PCNX4: variants seen among roughly 807,000 people sequenced by gnomAD.
PCNX4 encodes pecanex 4.
A neutral mutation model predicts 107.2 loss-of-function variants in PCNX4; 103 were observed. That is an observed-to-expected ratio of 0.96 (90% CI 0.82 to 1.13). PCNX4 has a LOEUF of 1.13. Among genes scored for constraint, PCNX4 ranks in the 50% most tolerant of loss-of-function variants. PCNX4 has a pLI of 0.00. For missense variants in PCNX4, 1,528 were observed against 1,379.4 expected, an observed-to-expected ratio of 1.11 and a Z score of -1.71; for synonymous variants, 541 against 481.7, an observed-to-expected ratio of 1.12 and a Z score of -1.61.
At chr14:60,102,764 G>T (rs761718527) in intron 1 of PCNX4, among the ~76,000 whole-genome samples, 13 of 152,050 alleles carry the variant, frequency 8.5e-5, no homozygotes, top group Non-Finnish European at 1.3e-4. Flanking sequence ...GTTCTTCTGG[G>T]AATTAATAGT....
At chr14:60,121,143 A>G in intron 7 of PCNX4, 53 bp from the exon 8 acceptor site, 1 of 1,542,170 alleles carries the variant, frequency 6.5e-7, no homozygotes, top group Non-Finnish European at 8.7e-7. Flanking sequence ...AAAATAAAAG[A>G]AGTTTGAAAA....
chr14:60,121,164 T>C (rs1895945604), intron 7 of PCNX4, 32 bp from the exon 8 acceptor site: 1 of 1,386,202 alleles, frequency 7.2e-7, no homozygotes, highest in Non-Finnish European at 9.5e-7. Context: ...TGATTTTCTT[T>C]TTTTTTTTTT....
In PCNX4 at chr14:60,113,160, A is replaced by G. The variant is rs1461473017; in HGVS notation, c.690-1540A>G. ...TGCGCCACTGCACTCCATCCTGGGG[A>G]CAGAGCGAGACTCCGTCTCAAAAAC... On this transcript the variant is annotated intron_variant, in intron 2 of 10. Transcript: ENST00000406854. Among the ~76,000 whole-genome samples the G allele has an allele frequency of 2.6e-5, 4 of 152,332 alleles. No individual in the cohort carries two copies. The East Asian group carries it at 7.7e-4, about 29-fold the overall frequency.
intron 2 of PCNX4, among the ~76,000 whole-genome samples, chr14:60,113,077 G>A (rs1409101439): frequency 6.6e-6 from 1 of 152,082 alleles, no homozygotes; most frequent in African/African-American, 2.4e-5. Context: ...AGCTACTGGG[G>A]GGCTGAGGCA....
In PCNX4 at chr14:60,146,606, C is replaced by T. The variant is rs550602449; in HGVS notation, c.*12385C>T. On this transcript the variant is annotated 3_prime_UTR_variant, in exon 11 of 11. Coordinates refer to ENST00000406854, the MANE Select transcript of PCNX4 (RefSeq NM_001330177.2). The surrounding 1 kb of genome is among the most constrained non-coding windows in gnomAD (Gnocchi z 4.9). ...CTCCCATGTTCATTTTAGCATTATT[C>T]ATAATAGCCAAGATATGGAAACAAC... The T allele has an allele frequency of 6.6e-6, 1 of 152,156 alleles. No individual in the cohort carries two copies. The highest frequency in any genetic ancestry group is 2.4e-5 in the African/African-American group (1 of 41,510). 9.4% of individuals were successfully genotyped at this position (152,156 alleles called of 1,614,324 possible).
At position 60,146,391 on chromosome 14, in the gene PCNX4, A is replaced by G. The variant is rs1353996465; in HGVS notation, c.*12170A>G. On this transcript the variant is annotated 3_prime_UTR_variant, in exon 11 of 11. Transcript: ENST00000406854. The surrounding 1 kb of genome is among the most constrained non-coding windows in gnomAD (Gnocchi z 4.9). ...GGTCCCTCTTTCCCCTTTGAAAAAA[A>G]AATCACTTCTATAATATATTCTTTC... The G allele has an allele frequency of 6.6e-6, 1 of 152,196 alleles. No individual in the cohort carries two copies. Among genetic ancestry groups the G allele is most frequent in the East Asian group, 1.9e-4 (1 of 5,204 alleles). 9.4% of individuals were successfully genotyped at this position (152,196 alleles called of 1,614,324 possible).
At position 60,134,587 on chromosome 14, in the gene PCNX4, TAA is replaced by T. The variant is rs1896213947; in HGVS notation, c.*367_*368del. ...AACAGCTATGTAATTTTTACATACT[TAA>T]GAGATAAACATATCAGTGTTCTAAG... On this transcript the variant is annotated 3_prime_UTR_variant, in exon 11 of 11. Transcript: ENST00000406854. The T allele has an allele frequency of 5.0e-6, 1 of 199,900 alleles. No homozygotes were observed. The highest frequency in any genetic ancestry group is 1.0e-5 in the Non-Finnish European group (1 of 97,950). 12.4% of individuals were successfully genotyped at this position (199,900 alleles called of 1,614,324 possible). A position where few individuals can be genotyped will look rare whatever the true frequency, so the allele number is the denominator to read the frequency against.
rs1895661344 is a variant in PCNX4, at chr14:60,107,955, C to T, written c.317C>T (p.Thr106Ile). 1.2e-6 allele frequency: 2 copies of T among 1,612,684 alleles called. No individual in the cohort carries two copies. Among genetic ancestry groups the T allele is most frequent in the Middle Eastern group, 1.6e-4 (1 of 6,084 alleles). ...TCAACAACAGTAGAAAGAATACTAA[C>T]CACGGATATCTTAGCAGAGGAGGAT... is the stretch of plus-strand genomic sequence containing the variant. ...NKSTTVERILTTDILAEEDEH... is the reference protein window; with the variant it reads ...NKSTTVERILITDILAEEDEH... The change falls in exon 2 of 11, where the codon ACC (threonine) becomes ATC (isoleucine). Residue 106 changes from threonine to isoleucine, a missense_variant. Transcript: ENST00000406854.
intron 10 of PCNX4, among the ~76,000 whole-genome samples, chr14:60,132,708 A>G (rs748778481): frequency 1.3e-4 from 20 of 152,148 alleles, no homozygotes; most frequent in Non-Finnish European, 2.4e-4. Flanking sequence ...CATATCTGAT[A>G]AGGGACTGTT....
At position 60,135,531 on chromosome 14, in the gene PCNX4, C is replaced by T. The variant is rs1028504552; in HGVS notation, c.*1310C>T. 3 of 151,248 alleles carry T rather than the reference C, an allele frequency of 2.0e-5. No individual in the cohort carries two copies. The highest frequency in any genetic ancestry group is 2.1e-4 in the South Asian group (1 of 4,816). 9.4% of individuals were successfully genotyped at this position (151,248 alleles called of 1,614,324 possible). The stretch of plus-strand genomic sequence containing the variant: ...GTCATGTAGAAATATTTTCTCATGT[C>T]GTTAAAAGTACTTGTAATTATCAGC... On this transcript the variant is annotated 3_prime_UTR_variant, in exon 11 of 11. Coordinates refer to ENST00000406854, the MANE Select transcript of PCNX4 (RefSeq NM_001330177.2).
intron 1 of PCNX4, among the ~76,000 whole-genome samples, chr14:60,096,190 A>C (rs978238490): frequency 2.6e-5 from 4 of 152,114 alleles, no homozygotes; most frequent in African/African-American, 9.7e-5. Flanking sequence ...ATGTTCTTCA[A>C]TTCATCTGGA....
chr14:60,128,908 A>ATTTT (rs943651084), intron 10 of PCNX4, among the ~76,000 whole-genome samples: 1 of 151,472 alleles, frequency 6.6e-6, no homozygotes, highest in African/African-American at 2.4e-5. Context: ...GAGAAATAGC[A>ATTTT]TTTTTTTTTA....
At chr14:60,092,607 T>G (rs1230203944) in intron 1 of PCNX4, among the ~76,000 whole-genome samples, 188 bp downstream of exon 1, 1 of 152,222 alleles carries the variant, frequency 6.6e-6, no homozygotes, top group African/African-American at 2.4e-5. Context: ...AGTAATTCAG[T>G]GTGATTTTAA....
intron 1 of PCNX4, among the ~76,000 whole-genome samples, chr14:60,093,334 C>CA (rs1489950401): frequency 6.6e-6 from 1 of 152,192 alleles, no homozygotes; most frequent in Non-Finnish European, 1.5e-5. Context: ...CTTTTACCCT[C>CA]AGCAGTCACC....
intron 1 of PCNX4, among the ~76,000 whole-genome samples, chr14:60,101,484 C>T (rs1315015140): frequency 6.6e-6 from 1 of 152,132 alleles, no homozygotes; most frequent in African/African-American, 2.4e-5. Flanking sequence ...ATCTATTAGT[C>T]TCCTGAAAGT....
chr14:60,106,148 T>C (rs1208104186), intron 1 of PCNX4, among the ~76,000 whole-genome samples: 1 of 152,160 alleles, frequency 6.6e-6, no homozygotes, highest in African/African-American at 2.4e-5. Flanking sequence ...GATTTGGCCC[T>C]GTAGTTCTGT....
At position 60,108,334 on chromosome 14, in the gene PCNX4, A is replaced by G. The variant is rs765630082; in HGVS notation, c.689+7A>G. 1.3e-6 allele frequency: 2 copies of G among 1,581,492 alleles called. No individual in the cohort carries two copies. The highest frequency in any genetic ancestry group is 1.7e-6 in the Non-Finnish European group (2 of 1,161,148). ...CTGTGGATCTGGCACACAGGTAAAA[A>G]CCTACCAAATACTTTGTAACTAACT... is the stretch of plus-strand genomic sequence containing the variant. On this transcript the variant is annotated splice_region_variant and intron_variant, in intron 2 of 10. Transcript: ENST00000406854.
chr14:60,119,306 C>G (rs753920177), intron 7 of PCNX4, among the ~76,000 whole-genome samples: 40 of 152,144 alleles, frequency 2.6e-4, no homozygotes, highest in Admixed American at 9.2e-4. Flanking sequence ...CAAACACTAA[C>G]TGTAAATTTT....
Position 60,121,181 on chromosome 14 carries a change from T to TTTTC in PCNX4, c.1943-15_1943-14insTTTC. ...ATTTTCTTTTTTTTTTTTTTTTTTT[T>TTTTC]CTAATTTGTTGTAGGTCTCCTCCTA... On this transcript the variant is annotated splice_polypyrimidine_tract_variant and intron_variant, in intron 7 of 10. Transcript: ENST00000406854. 8.5e-6 allele frequency: 13 copies of TTTTC among 1,523,404 alleles called. No individual in the cohort carries two copies. The highest frequency in any genetic ancestry group is 1.4e-5 in the African/African-American group (1 of 70,360). The allele number at this position is 1,523,404 out of a possible 1,614,324, so 94.4% of individuals were successfully genotyped here.
Sources: gnomAD v4.1 joint callset for allele counts (sites outside exome capture counted in the v4.1 genomes callset) on GRCh38, gnomAD v4.1.1 for gene constraint, Gnocchi (gnomAD v3.1) non-coding constraint, MANE v1.5 for transcripts, NCBI Gene and HGNC (gene_info 2026-07-23, HGNC 2026-07-21) for gene names.